Variants in LTBP1 observed in about 807,000 individuals in gnomAD.
LTBP1 encodes the protein latent transforming growth factor beta binding protein 1.
Under a neutral mutation model 207.6 loss-of-function variants are expected in LTBP1, and 129 were observed. The ratio of observed to expected loss-of-function variants is 0.62; its 90% CI spans 0.54 to 0.72. The LOEUF (loss-of-function observed/expected upper bound fraction) is 0.72, where lower values mean the gene tolerates loss of function less well. Among genes scored for constraint, LTBP1 ranks in the 30% least tolerant of loss-of-function variants. LTBP1 has a pLI of 0.00. For synonymous variants in LTBP1, 963 were observed against 833.7 expected, an observed-to-expected ratio of 1.16 and a Z score of -2.67; for missense variants, 2,281 against 2,217.2, an observed-to-expected ratio of 1.03 and a Z score of -0.58.
intron 18 of LTBP1, among the ~76,000 whole-genome samples, chr2:33,277,830 T>TCTCTCTCTCTCTCTCTCTCTCTCTCTC (rs2093475987): frequency 2.6e-5 from 1 of 39,042 alleles, no homozygotes; most frequent in Non-Finnish European, 5.1e-5. Flanking sequence ...TCTTTCTTTC[T>TCTCTCTCTCTCTCTCTCTCTCTCTCTC]TTTTTTTTTT....
intron 3 of LTBP1, among the ~76,000 whole-genome samples, chr2:33,073,289 T>G (rs867796812): frequency 8.6e-4 from 130 of 151,604 alleles, no homozygotes; most frequent in African/African-American, 2.4e-3. Context: ...TTTTTTTGTT[T>G]TTGTTTTTTT....
chr2:33,387,105 C>T (rs528726839), intron 31 of LTBP1, among the ~76,000 whole-genome samples: 8 of 152,202 alleles, frequency 5.3e-5, no homozygotes, highest in African/African-American at 9.6e-5. Flanking sequence ...CCACCATGCC[C>T]GGCCGACAGT....
At chr2:33,175,726 T>G (rs1253549235) in intron 5 of LTBP1, among the ~76,000 whole-genome samples, 2 of 152,114 alleles carry the variant, frequency 1.3e-5, no homozygotes, top group African/African-American at 4.8e-5. Flanking sequence ...GCGGCACTAT[T>G]CACAATAGCA....
intron 3 of LTBP1, among the ~76,000 whole-genome samples, chr2:33,063,773 C>T (rs1377026094): frequency 6.6e-6 from 1 of 151,852 alleles, no homozygotes; most frequent in Non-Finnish European, 1.5e-5. Flanking sequence ...TATATCTCTA[C>T]ATTTATATAT....
chr2:33,328,141 A>ATAAATAAATAAATAAATAAT (rs2094450686), intron 24 of LTBP1, among the ~76,000 whole-genome samples: 1 of 140,852 alleles, frequency 7.1e-6, no homozygotes, highest in Non-Finnish European at 1.5e-5. Context: ...GTCTCAATAA[A>ATAAATAAATAAATAAATAAT]TAAATAAATA....
intron 26 of LTBP1, among the ~76,000 whole-genome samples, chr2:33,353,614 T>G (rs1005811813): frequency 1.3e-5 from 2 of 152,204 alleles, no homozygotes; most frequent in African/African-American, 4.8e-5. Flanking sequence ...AATTTTTCAT[T>G]TTTTTAAAGA....
intron 2 of LTBP1, among the ~76,000 whole-genome samples, chr2:33,012,338 C>T (rs1687785452): frequency 6.6e-6 from 1 of 151,884 alleles, no homozygotes; most frequent in Admixed American, 6.5e-5. Context: ...TTGTACGTGT[C>T]TGCTCATCAG....
intron 3 of LTBP1, among the ~76,000 whole-genome samples, chr2:33,024,142 G>C (rs1467592701): frequency 6.6e-6 from 1 of 152,220 alleles, no homozygotes; most frequent in Non-Finnish European, 1.5e-5. Flanking sequence ...GCTAAGGATA[G>C]ATAACACTAG....
chr2:33,160,675 A>G (rs1172960974), intron 5 of LTBP1, among the ~76,000 whole-genome samples: 1 of 152,188 alleles, frequency 6.6e-6, no homozygotes, highest in Non-Finnish European at 1.5e-5. Flanking sequence ...AGTACTATCA[A>G]CTAGGTATTT....
At position 33,186,871 on chromosome 2, in the gene LTBP1, C is replaced by T. The variant is rs2087260042; in HGVS notation, c.1217C>T (p.Pro406Leu). The T allele has an allele frequency of 6.2e-7, 1 of 1,613,838 alleles. No homozygotes were observed. The highest frequency in any genetic ancestry group is 1.1e-5 in the South Asian group (1 of 91,076). The part of the protein sequence containing the change: ...TNFRVVICHL[P>L]CMNGGQCSSR... ...TCCCTTTTAGTAATTTGCCATCTTC[C>T]ATGTATGAATGGTGGCCAGTGCAGT... The change falls in exon 6 of 34, where the codon CCA becomes CTA. Residue 406 changes from proline (P) to leucine (L), a missense_variant. By Grantham distance (98) the Pro-to-Leu change is moderately conservative (BLOSUM62 -3). Around this residue, in one of 3 missense-constraint regions of LTBP1, gnomAD observed 55 missense variants for 91.5 expected, o/e 0.60. Coordinates refer to ENST00000404816, the MANE Select transcript of LTBP1 (RefSeq NM_206943.4).
intron 5 of LTBP1, among the ~76,000 whole-genome samples, chr2:33,182,727 CACACACACAGACAT>C (rs1394394126): frequency 2.1e-5 from 2 of 97,150 alleles, no homozygotes; most frequent in Non-Finnish European, 4.4e-5. Context: ...CACACACACA[CACACACACAGACAT>C]ATATATGTAT....
intron 7 of LTBP1, among the ~76,000 whole-genome samples, chr2:33,190,243 C>T (rs1013472613): frequency 5.3e-5 from 8 of 152,172 alleles, no homozygotes; most frequent in African/African-American, 1.9e-4. Flanking sequence ...GGTTTCCCTC[C>T]TGTCTTTTGG....
intron 2 of LTBP1, among the ~76,000 whole-genome samples, chr2:32,964,359 C>A (rs1436194218): frequency 6.6e-6 from 1 of 152,166 alleles, no homozygotes; most frequent in Non-Finnish European, 1.5e-5. Context: ...CATTATGCAT[C>A]TTTTCTTTTC....
At chr2:33,279,490 A>G (rs2093513940) in intron 18 of LTBP1, among the ~76,000 whole-genome samples, 1 of 149,496 alleles carries the variant, frequency 6.7e-6, no homozygotes, top group African/African-American at 2.5e-5. Flanking sequence ...GAAGTATGTG[A>G]TGAGTTCACT....
chr2:33,235,882 A>T (rs1051873727), intron 9 of LTBP1, among the ~76,000 whole-genome samples: 1 of 152,182 alleles, frequency 6.6e-6, no homozygotes, highest in African/African-American at 2.4e-5. Context: ...GGAGGGGAAC[A>T]TCACACACTG....
At chr2:33,248,176 G>A (rs2092570238) in intron 10 of LTBP1, among the ~76,000 whole-genome samples, 2 of 152,144 alleles carry the variant, frequency 1.3e-5, no homozygotes, top group African/African-American at 2.4e-5. Context: ...GATAATTACA[G>A]TAAACAAAAA....
intron 4 of LTBP1, among the ~76,000 whole-genome samples, chr2:33,133,946 C>T (rs1214161418): frequency 6.6e-6 from 1 of 152,094 alleles, no homozygotes; most frequent in Non-Finnish European, 1.5e-5. Flanking sequence ...CACATAGCCT[C>T]GGCTGTGTGG....
At chr2:33,056,552 C>T (rs2077009935) in intron 3 of LTBP1, 3 of 495,018 alleles carry the variant, frequency 6.1e-6, no homozygotes, top group Non-Finnish European at 1.1e-5. Context: ...GGTTCTTGGT[C>T]TCACTGACTT....
intron 3 of LTBP1, among the ~76,000 whole-genome samples, chr2:33,074,608 G>C (rs1469636227): frequency 6.6e-6 from 1 of 152,112 alleles, no homozygotes. Flanking sequence ...AGTGGCTCAC[G>C]CCTGTAATTC....
Sources: allele counts gnomAD v4.1 joint callset (sites outside exome capture counted in the v4.1 genomes callset), GRCh38; gene constraint gnomAD v4.1.1; regional missense constraint gnomAD v4.1.1; transcripts MANE v1.5; gene names NCBI Gene and HGNC (gene_info 2026-07-23, HGNC 2026-07-21).